OIT3: variants seen among roughly 807,000 people sequenced by gnomAD.
OIT3 encodes oncoprotein induced transcript 3.
OIT3 carries 41 observed loss-of-function variants against 52.2 expected under a neutral mutation model. The observed-to-expected ratio is 0.79, with a 90% confidence interval of 0.61 to 1.02. The LOEUF is 1.02. Ranked by LOEUF, OIT3 falls within the 50% of genes least tolerant of loss-of-function variation. The probability of loss-of-function intolerance (pLI) is 0.00; values close to 1 mark genes in which losing one functional copy is unlikely to be tolerated. For missense variants in OIT3, 634 were observed against 715.5 expected (o/e 0.89, Z 1.30); for synonymous variants, 244 against 276.9 (o/e 0.88, Z 1.18).
At chr10:72,901,116 A>T (rs958843907) in intron 3 of OIT3, among the ~76,000 whole-genome samples, 7 of 152,118 alleles carry the variant, frequency 4.6e-5, no homozygotes, top group Non-Finnish European at 7.3e-5. Context: ...CAAAGTGAAA[A>T]TATTTTGCAT....
intron 6 of OIT3, among the ~76,000 whole-genome samples, chr10:72,915,797 A>G (rs1846067743): frequency 6.6e-6 from 1 of 152,212 alleles, no homozygotes; most frequent in Non-Finnish European, 1.5e-5. Context: ...ATGAGAGCTA[A>G]AACAAGAAGG....
In OIT3 at chr10:72,898,835, A is replaced by G. The variant is rs759688640; in HGVS notation, c.233A>G (p.Asn78Ser). The G allele has an allele frequency of 3.0e-5, 49 of 1,613,878 alleles. No homozygotes were observed. The highest frequency in any genetic ancestry group is 2.2e-4 in the South Asian group (20 of 91,068). ...ATGCCTACCTTCTGCATACCAGAAA[A>G]CCACTGTGGAACCCACGCACCTGTC... ...DAMPTFCIPE[N>S]HCGTHAPVWL... The change falls in exon 2 of 9, where the codon AAC (asparagine) becomes AGC (serine). Residue 78 changes from asparagine to serine, a missense_variant. By Grantham distance (46) the Asn-to-Ser change is conservative. Transcript: ENST00000334011.
At chr10:72,912,697 C>G (rs1846039828) in intron 5 of OIT3, among the ~76,000 whole-genome samples, 1 of 152,116 alleles carries the variant, frequency 6.6e-6, no homozygotes. Context: ...TGGACTCTGA[C>G]AGAACTCAAG....
intron 1 of OIT3, among the ~76,000 whole-genome samples, chr10:72,894,688 G>A (rs1170028727): frequency 1.3e-5 from 2 of 152,094 alleles, no homozygotes; most frequent in African/African-American, 2.4e-5. Flanking sequence ...GACCAGCCTG[G>A]CCAACATGGT....
In OIT3 at chr10:72,893,879, C is replaced by T; in HGVS notation, c.61+20C>T. 1 of 1,595,292 alleles carries T rather than the reference C, an allele frequency of 6.3e-7. No individual in the cohort carries two copies. The highest frequency in any genetic ancestry group is 1.3e-5 in the African/African-American group (1 of 74,288). The stretch of plus-strand genomic sequence containing the variant: ...CCGTGGGTGAGTCTCATGTCAAGAA[C>T]TTGGCACAATGCACTTTTTGTTGTG... On this transcript the variant is annotated intron_variant, in intron 1 of 8. Transcript: ENST00000334011.
At chr10:72,909,470 G>A (rs980823812) in intron 4 of OIT3, among the ~76,000 whole-genome samples, 1 of 151,776 alleles carries the variant, frequency 6.6e-6, no homozygotes, top group Admixed American at 6.6e-5. Flanking sequence ...TTATGTCTGT[G>A]TGTACCCATT....
rs538116396 is a variant in OIT3 at position 72,924,505 on chromosome 10, C to G, written c.1228C>G (p.Leu410Val). ...GCCTTACCGGGAAGCTCTGCCCACC[C>G]TCAAGCTTCGTGACTCCCTCTACTT... ...EEPYREALPT[L>V]KLRDSLYFGI... The change falls in exon 7 of 9, where the codon CTC becomes GTC. Residue 410 changes from leucine to valine, a missense_variant. Physicochemically the swap from Leu to Val is conservative, Grantham distance 32. Transcript: ENST00000334011. 2.5e-6 allele frequency: 4 copies of G among 1,614,214 alleles called. No individual in the cohort carries two copies. The highest frequency in any genetic ancestry group is 1.7e-6 in the Non-Finnish European group (2 of 1,180,020).
intron 7 of OIT3, among the ~76,000 whole-genome samples, chr10:72,926,160 G>A (rs1314400155): frequency 6.6e-6 from 1 of 152,234 alleles, no homozygotes; most frequent in Non-Finnish European, 1.5e-5. Flanking sequence ...GAATGGTCCA[G>A]TACGAGCAGC....
intron 6 of OIT3, chr10:72,917,552 A>C (rs563030456): frequency 1.3e-4 from 88 of 680,340 alleles, no homozygotes; most frequent in South Asian, 1.2e-3. Flanking sequence ...CTCACTCTGC[A>C]TTATAAAAGG....
At chr10:72,911,634 G>C in intron 4 of OIT3, 83 bp from the exon 5 acceptor site, 1 of 1,481,912 alleles carries the variant, frequency 6.7e-7, no homozygotes, top group South Asian at 1.3e-5. Context: ...CATAAGTTAA[G>C]TATAATCCCT....
intron 1 of OIT3, among the ~76,000 whole-genome samples, chr10:72,896,451 C>T (rs1394247117): frequency 1.3e-5 from 2 of 152,138 alleles, no homozygotes; most frequent in African/African-American, 4.8e-5. Context: ...AGGGTTCAGC[C>T]GAGATACATA....
intron 6 of OIT3, chr10:72,918,373 C>G (rs1846092138): frequency 2.6e-6 from 2 of 770,324 alleles, no homozygotes; most frequent in Middle Eastern, 7.1e-4. Context: ...TGCAATTCGT[C>G]CTTTGCACCA....
intron 4 of OIT3, 59 bp downstream of exon 4, chr10:72,906,777 C>T (rs1459157745): frequency 8.8e-6 from 13 of 1,477,888 alleles, no homozygotes; most frequent in Non-Finnish European, 9.9e-6. Context: ...CTGGCTTATT[C>T]TCTGATGTTC....
intron 6 of OIT3, among the ~76,000 whole-genome samples, chr10:72,914,556 CA>C (rs1471080930): frequency 5.3e-5 from 8 of 152,172 alleles, no homozygotes; most frequent in Non-Finnish European, 1.0e-4. Flanking sequence ...TGTGGATAAT[CA>C]AATGGACATG....
At chr10:72,906,210 C>G (rs1439709520) in intron 3 of OIT3, among the ~76,000 whole-genome samples, 1 of 152,134 alleles carries the variant, frequency 6.6e-6, no homozygotes, top group Non-Finnish European at 1.5e-5. Context: ...AATGGAAGCT[C>G]CTTTCATGAC....
At chr10:72,900,514 C>A (rs1335522142) in intron 3 of OIT3, 30 bp downstream of exon 3, 1 of 1,221,432 alleles carries the variant, frequency 8.2e-7, no homozygotes, top group South Asian at 1.3e-5. Flanking sequence ...TAGAATCAGG[C>A]TATTAGGATC....
chr10:72,898,929 T>C lies in OIT3; in HGVS notation c.327T>C (p.Asn109=), dbSNP rs370754588. The C allele has an allele frequency of 1.9e-5, 30 of 1,614,062 alleles. No individual in the cohort carries two copies. The highest frequency in any genetic ancestry group is 2.4e-5 in the Non-Finnish European group (28 of 1,180,044). The change falls in exon 2 of 9, where the codon AAT becomes AAC. Residue 109 remains asparagine, a synonymous_variant. Coordinates refer to ENST00000334011, the MANE Select transcript of OIT3 (RefSeq NM_152635.3). ...IVQRQACASF[N]GNCCLWNTTV... ...AACGCCAGGCTTGTGCCAGCTTCAA[T>C]GGGAACTGCTGTCTCTGGAACACCA...
chr10:72,920,573 A>G (rs974566436), intron 6 of OIT3, among the ~76,000 whole-genome samples: 8 of 152,208 alleles, frequency 5.3e-5, no homozygotes, highest in African/African-American at 1.9e-4. Flanking sequence ...ATTTAGTGCT[A>G]TAAATTTCTC....
chr10:72,914,044 AAC>A (rs1227295608), intron 6 of OIT3, among the ~76,000 whole-genome samples: 1 of 152,244 alleles, frequency 6.6e-6, no homozygotes, highest in East Asian at 1.9e-4. Flanking sequence ...TCAAGGGACA[AAC>A]ACAGGAGCAG....
Sources: allele counts gnomAD v4.1 joint callset (sites outside exome capture counted in the v4.1 genomes callset), GRCh38; gene constraint gnomAD v4.1.1; transcripts MANE v1.5; gene names NCBI Gene and HGNC (gene_info 2026-07-23, HGNC 2026-07-21).